Variants in NOCT observed in about 807,000 individuals in gnomAD.
NOCT encodes nocturnin.
In NOCT, 18 loss-of-function variants were observed where a neutral mutation model predicts 35.0. The observed-to-expected ratio is 0.51, with a 90% CI of 0.36 to 0.76. The LOEUF is 0.76. Among genes scored for constraint, NOCT ranks in the 30% least tolerant of loss-of-function variants. NOCT has a pLI of 0.01. For missense variants in NOCT, 479 were observed against 541.0 expected, an observed-to-expected ratio of 0.89 and a Z score of 1.14; for synonymous variants, 235 against 226.3, an observed-to-expected ratio of 1.04 and a Z score of -0.34.
intron 2 of NOCT, 104 bp from the exon 3 acceptor site, chr4:139,044,535 A>C (rs192699544): frequency 1.5e-6 from 1 of 680,774 alleles, no homozygotes; most frequent in East Asian, 2.6e-5. Flanking sequence ...AAGCATTTAA[A>C]GCAGAGGAAG....
In NOCT at chr4:139,044,544, A is replaced by G. The variant is rs1726898258; in HGVS notation, c.461-95A>G. 3 of 713,002 alleles carry G rather than the reference A, an allele frequency of 4.2e-6. No homozygotes were observed. In the African/African-American group the frequency reaches 5.3e-5, roughly 13 times the overall value. 44.2% of individuals were successfully genotyped at this position (713,002 alleles called of 1,614,324 possible). ...CACTCCAAGCATTTAAAGCAGAGGA[A>G]GCATTCTGAGGGTCTTGAGTGATGC... On this transcript the variant is annotated intron_variant, in intron 2 of 2. Transcript: ENST00000280614.
intron 1 of NOCT, among the ~76,000 whole-genome samples, chr4:139,019,758 A>T (rs1347836772): frequency 6.6e-6 from 1 of 152,144 alleles, no homozygotes; most frequent in African/African-American, 2.4e-5. Context: ...TTCTTTTCTC[A>T]AGGATAGCAG....
rs766736057 is a variant in NOCT at position 139,044,647 on chromosome 4, G to A, written c.469G>A (p.Glu157Lys). The change falls in exon 3 of 3, where the codon GAA becomes AAA. Residue 157 changes from glutamate (E) to lysine (K), a missense_variant. This residue lies in a region of NOCT where 265 missense variants were observed against 257.0 expected (regional missense o/e 1.03). Coordinates refer to ENST00000280614, the MANE Select transcript of NOCT (RefSeq NM_012118.4). ...QWNILAQALG[E>K]GKDNFVQCPV... ...TAGCTTTTTCTTTTCAGCTCTTGGA[G>A]AAGGCAAAGACAACTTTGTACAGTG... 1 of 1,606,188 alleles carries A rather than the reference G, an allele frequency of 6.2e-7. No homozygotes were observed.
At chr4:139,032,210 A>T (rs1726639762) in intron 1 of NOCT, among the ~76,000 whole-genome samples, 2 of 152,196 alleles carry the variant, frequency 1.3e-5, no homozygotes, top group Admixed American at 1.3e-4. Flanking sequence ...GAATTAAGAC[A>T]TCCAGTTTTA....
Position 139,045,499 on chromosome 4 carries a change from A to G in NOCT, c.*25A>G. On this transcript the variant is annotated 3_prime_UTR_variant, in exon 3 of 3. Coordinates refer to ENST00000280614, the MANE Select transcript of NOCT (RefSeq NM_012118.4). ...AATACTTGCTTTTGTCTTTTTAATC[A>G]CAGGAGTCTATTTTTTTTTTTTTTT... is the stretch of plus-strand genomic sequence containing the variant. 2 of 773,208 alleles carry G rather than the reference A, an allele frequency of 2.6e-6. No individual in the cohort carries two copies. Among genetic ancestry groups the G allele is most frequent in the Non-Finnish European group, 4.1e-6 (2 of 491,944 alleles). The allele number at this position is 773,208 out of a possible 1,614,324, so 47.9% of individuals were successfully genotyped here.
Position 139,043,293 on chromosome 4 carries a change from C to T in NOCT, c.410C>T (p.Pro137Leu), listed in dbSNP as rs369944814. ...RDFVDLRTDC[P>L]STHPPIRVMQ... The stretch of plus-strand genomic sequence containing the variant: ...TTTGTGGATCTGAGGACAGATTGCC[C>T]TAGTACCCACCCACCTATCAGGGTT... The change falls in exon 2 of 3, where the codon CCT (proline) becomes CTT (leucine). Residue 137 changes from proline (P) to leucine (L), a missense_variant. Transcript: ENST00000280614. 2 of 1,614,162 alleles carry T rather than the reference C, an allele frequency of 1.2e-6. No homozygotes were observed. Among genetic ancestry groups the T allele is most frequent in the Non-Finnish European group, 8.5e-7 (1 of 1,180,020 alleles).
intron 1 of NOCT, among the ~76,000 whole-genome samples, chr4:139,038,196 C>CAAATAAATAAAT (rs547458958): frequency 2.0e-5 from 3 of 150,530 alleles, no homozygotes; most frequent in African/African-American, 7.5e-5. Flanking sequence ...GAGACTGTCT[C>CAAATAAATAAAT]AAATAAATAA....
chr4:139,034,688 C>G (rs1417950243), intron 1 of NOCT, among the ~76,000 whole-genome samples: 2 of 151,982 alleles, frequency 1.3e-5, no homozygotes, highest in Non-Finnish European at 2.9e-5. Flanking sequence ...CCTCCCTCCT[C>G]AGCCCCTCAA....
chr4:139,035,169 C>T (rs1726707638), intron 1 of NOCT, among the ~76,000 whole-genome samples: 2 of 152,096 alleles, frequency 1.3e-5, no homozygotes, highest in African/African-American at 4.8e-5. Context: ...TGCTGTCACC[C>T]AGGCTGGAGT....
At position 139,016,838 on chromosome 4, in the gene NOCT, G is replaced by C. The variant is rs372626362; in HGVS notation, c.190+667G>C. Among the ~76,000 whole-genome samples, 53 of 151,792 alleles carry C rather than the reference G, an allele frequency of 3.5e-4. No individual in the cohort carries two copies. The East Asian group carries it at 8.4e-3, about 24-fold the overall frequency. ...CTAGCTAACTTTTGTATATTTAGTA[G>C]AGACGGGGGTTTCACCATTTTGGCC... On this transcript the variant is annotated intron_variant, in intron 1 of 2. Coordinates refer to ENST00000280614, the MANE Select transcript of NOCT (RefSeq NM_012118.4).
At position 139,015,830 on chromosome 4, in the gene NOCT, C is replaced by T; in HGVS notation, c.-152C>T. The T allele has an allele frequency of 3.7e-6, 2 of 546,758 alleles. No individual in the cohort carries two copies. The highest frequency in any genetic ancestry group is 5.4e-6 in the Non-Finnish European group (2 of 372,126). 33.9% of individuals were successfully genotyped at this position (546,758 alleles called of 1,614,324 possible). ...GCACCTCCCTCTCCGGCTCTGCTGC[C>T]CGGGATTTCCCCAGAACCTGCGCCG... On this transcript the variant is annotated 5_prime_UTR_variant, in exon 1 of 3. Coordinates refer to ENST00000280614, the MANE Select transcript of NOCT (RefSeq NM_012118.4).
intron 1 of NOCT, among the ~76,000 whole-genome samples, chr4:139,041,444 T>G (rs1726831517): frequency 6.6e-6 from 1 of 152,222 alleles, no homozygotes; most frequent in Non-Finnish European, 1.5e-5. Context: ...GCATTTATCA[T>G]ACAGAGAATC....
At chr4:139,035,840 C>T (rs1036684906) in intron 1 of NOCT, among the ~76,000 whole-genome samples, 3 of 152,126 alleles carry the variant, frequency 2.0e-5, no homozygotes, top group Admixed American at 2.0e-4. Context: ...CCATAATCCC[C>T]TCTGTTTATC....
chr4:139,042,930 GAA>G (rs1227497501), intron 1 of NOCT, 142 bp from the exon 2 acceptor site: 4 of 546,210 alleles, frequency 7.3e-6, no homozygotes, highest in Non-Finnish European at 1.2e-5. Context: ...AAAAAAAAAA[GAA>G]AAAAGAAATG....
intron 1 of NOCT, among the ~76,000 whole-genome samples, chr4:139,022,151 G>A (rs564287072): frequency 2.6e-5 from 4 of 152,296 alleles, no homozygotes; most frequent in South Asian, 4.1e-4. Context: ...GTGCCTGGGC[G>A]TTTAGCCTCA....
chr4:139,021,800 C>G (rs1440667165), intron 1 of NOCT, among the ~76,000 whole-genome samples: 19 of 150,876 alleles, frequency 1.3e-4, no homozygotes, highest in Middle Eastern at 3.4e-3. Flanking sequence ...CTCTTGTTGC[C>G]CAGGCTGGAG....
At chr4:139,019,943 A>G (rs903648755) in intron 1 of NOCT, among the ~76,000 whole-genome samples, 11 of 152,180 alleles carry the variant, frequency 7.2e-5, no homozygotes, top group Admixed American at 6.5e-5. Flanking sequence ...GGTACAATTT[A>G]TAGGCAAATG....
chr4:139,017,189 G>C (rs1726327408), intron 1 of NOCT, among the ~76,000 whole-genome samples: 1 of 148,458 alleles, frequency 6.7e-6, no homozygotes. Flanking sequence ...TTTAAAAATT[G>C]ATAAATTTTT....
Position 139,015,878 on chromosome 4 carries a change from T to G in NOCT, c.-104T>G. 7 of 934,596 alleles carry G rather than the reference T, an allele frequency of 7.5e-6. No homozygotes were observed. Among genetic ancestry groups the G allele is most frequent in the Non-Finnish European group, 9.8e-6 (7 of 717,424 alleles). 57.9% of individuals were successfully genotyped at this position (934,596 alleles called of 1,614,324 possible). Reference sequence around the variant, plus strand: ...CCGCGCGAGAAGGAGCCTGGGAGCATCCGCCCACACTGCCCGGACAGTCGG... The same window carrying G: ...CCGCGCGAGAAGGAGCCTGGGAGCAGCCGCCCACACTGCCCGGACAGTCGG... On this transcript the variant is annotated 5_prime_UTR_variant, in exon 1 of 3. Coordinates refer to ENST00000280614, the MANE Select transcript of NOCT (RefSeq NM_012118.4).
Sources: allele counts gnomAD v4.1 joint callset (sites outside exome capture counted in the v4.1 genomes callset), GRCh38; gene constraint gnomAD v4.1.1; regional missense constraint gnomAD v4.1.1; transcripts MANE v1.5; gene names NCBI Gene and HGNC (gene_info 2026-07-23, HGNC 2026-07-21).